Variants in PTGDR observed in about 807,000 individuals in gnomAD.
PTGDR encodes PGD2 receptor.
PTGDR carries 19 observed loss-of-function variants against 17.4 expected under a neutral mutation model. The observed-to-expected ratio is 1.09, with a 90% confidence interval of 0.76 to 1.60. PTGDR has a LOEUF of 1.60. Ranked by LOEUF, PTGDR falls within the 40% of genes most tolerant of loss-of-function variation. PTGDR has a pLI of 0.00. For missense variants in PTGDR, 526 were observed against 481.9 expected, an observed-to-expected ratio of 1.09 and a Z score of -0.86; for synonymous variants, 267 against 224.2, an observed-to-expected ratio of 1.19 and a Z score of -1.71.
downstream of PTGDR, among the ~76,000 whole-genome samples, chr14:52,280,198 A>G (rs1230347622): frequency 6.6e-6 from 1 of 152,194 alleles, no homozygotes; most frequent in Non-Finnish European, 1.5e-5. Context: ...GCCAGCATCA[A>G]TTTCTTATCA....
At position 52,274,879 on chromosome 14, in the gene PTGDR, G is replaced by A. The variant is rs41312506; in HGVS notation, c.995G>A (p.Arg332Gln). The change falls in exon 2 of 2, where the codon CGG (arginine) becomes CAG (glutamine). Residue 332 changes from arginine to glutamine, a missense_variant. By Grantham distance (43) the Arg-to-Gln change is conservative. Coordinates refer to ENST00000306051, the MANE Select transcript of PTGDR (RefSeq NM_000953.3). ...ATCATTTTCAGATCTCCAGTATTTC[G>A]GATATTTTTTCACAAGATTTTCATT... ...IFIIFRSPVF[R>Q]IFFHKIFIRP... 14,718 of 1,608,706 alleles carry A rather than the reference G, an allele frequency of 9.1e-3. 79 individuals are homozygous for A. The highest frequency in any genetic ancestry group is 0.011 in the Non-Finnish European group (12,787 of 1,175,304).
Position 52,268,478 on chromosome 14 carries a change from A to T in PTGDR, c.664A>T (p.Met222Leu), listed in dbSNP as rs748978128. 6.2e-7 allele frequency: 1 copy of T among 1,610,474 alleles called. No individual in the cohort carries two copies. Among genetic ancestry groups the T allele is most frequent in the South Asian group, 1.1e-5 (1 of 91,070 alleles). Reference sequence around the variant, plus strand: ...CACCGTGCTGTGCAACCTCGGCGCCATGCGCAACCTCTATGCGATGCACCG... The same window carrying T: ...CACCGTGCTGTGCAACCTCGGCGCCTTGCGCAACCTCTATGCGATGCACCG... The part of the protein sequence containing the change: ...LATVLCNLGA[M>L]RNLYAMHRRL... The change falls in exon 1 of 2, where the codon ATG (methionine) becomes TTG (leucine). Residue 222 changes from methionine (M) to leucine (L), a missense_variant. Physicochemically the swap from Met to Leu is conservative, Grantham distance 15. Coordinates refer to ENST00000306051, the MANE Select transcript of PTGDR (RefSeq NM_000953.3).
At chr14:52,270,343 C>T (rs1346288279) in intron 1 of PTGDR, among the ~76,000 whole-genome samples, 1 of 152,078 alleles carries the variant, frequency 6.6e-6, no homozygotes, top group East Asian at 1.9e-4. Flanking sequence ...GTCAAGAGAT[C>T]GAGACCATCC....
At position 52,268,012 on chromosome 14, in the gene PTGDR, T is replaced by C. The variant is rs1429296939; in HGVS notation, c.198T>C (p.Cys66=). 3.1e-6 allele frequency: 5 copies of C among 1,610,472 alleles called. No individual in the cohort carries two copies. The highest frequency in any genetic ancestry group is 4.2e-6 in the Non-Finnish European group (5 of 1,180,004). ...PLPSVFYMLV[C]GLTVTDLLGK... Reference sequence around the variant, plus strand: ...CCTCGGTCTTCTACATGCTGGTGTGTGGCCTGACGGTCACCGACTTGCTGG... The same window carrying C: ...CCTCGGTCTTCTACATGCTGGTGTGCGGCCTGACGGTCACCGACTTGCTGG... Residue 66 remains cysteine, a synonymous_variant, in exon 1 of 2, where the codon TGT becomes TGC. Transcript: ENST00000306051.
At chr14:52,269,362 C>A in intron 1 of PTGDR, 1 of 1,097,184 alleles carries the variant, frequency 9.1e-7, no homozygotes, top group South Asian at 1.3e-5. Flanking sequence ...TGTATCTTGG[C>A]AAGTGAGGTG....
downstream of PTGDR, among the ~76,000 whole-genome samples, chr14:52,280,123 T>C (rs1047258562): frequency 2.6e-5 from 4 of 152,210 alleles, no homozygotes; most frequent in Admixed American, 1.3e-4. Flanking sequence ...TCAGCGATAA[T>C]TGATGTTTAA....
intron 1 of PTGDR, chr14:52,269,611 C>A: frequency 1.6e-6 from 2 of 1,244,846 alleles, no homozygotes; most frequent in South Asian, 1.4e-5. Context: ...AATCCTGAGA[C>A]TTCTGTGAAT....
chr14:52,276,860 A>G (rs2033435644), downstream of PTGDR: 1 of 152,136 alleles, frequency 6.6e-6, no homozygotes, highest in African/African-American at 2.4e-5. Context: ...ATTAACACTT[A>G]CATTACTTTA....
At chr14:52,269,588 C>A in intron 1 of PTGDR, 1 of 1,408,694 alleles carries the variant, frequency 7.1e-7, no homozygotes, top group Non-Finnish European at 9.6e-7. Context: ...CATTGCCAAT[C>A]CCACGTTCTC....
chr14:52,268,186 G>A lies in PTGDR; in HGVS notation c.372G>A (p.Leu124=). ...GGCTCTCCTCGACACTGCAACTCCT[G>A]GCCATGGCACTGGAGTGCTGGCTCT... The part of the protein sequence containing the change: ...FFGLSSTLQL[L]AMALECWLSL... The change falls in exon 1 of 2, where the codon CTG becomes CTA. Residue 124 remains leucine (L), a synonymous_variant. Coordinates refer to ENST00000306051, the MANE Select transcript of PTGDR (RefSeq NM_000953.3). The A allele has an allele frequency of 6.2e-7, 1 of 1,614,138 alleles. No homozygotes were observed. The highest frequency in any genetic ancestry group is 8.5e-7 in the Non-Finnish European group (1 of 1,180,042).
intron 1 of PTGDR, among the ~76,000 whole-genome samples, chr14:52,273,476 C>A (rs1470449946): frequency 6.6e-6 from 1 of 152,136 alleles, no homozygotes; most frequent in Non-Finnish European, 1.5e-5. Flanking sequence ...ACAAACTTTT[C>A]ATCAAGATTA....
intron 1 of PTGDR, 59 bp downstream of exon 1, chr14:52,268,719 G>GCGGGAAGGGTGGAGCGGAT (rs1214099668): frequency 3.3e-6 from 5 of 1,499,350 alleles, no homozygotes; most frequent in Non-Finnish European, 4.5e-6. Context: ...CGGATGCGGG[G>GCGGGAAGGGTGGAGCGGAT]CGGGAAGGGT....
chr14:52,278,347 C>G (rs1453277622), downstream of PTGDR, among the ~76,000 whole-genome samples: 2 of 152,152 alleles, frequency 1.3e-5, no homozygotes, highest in Non-Finnish European at 2.9e-5. Flanking sequence ...AACCATCATT[C>G]TCAGCAAACT....
In PTGDR at chr14:52,267,841, G is replaced by T; in HGVS notation, c.27G>T (p.Gln9His). 6.3e-7 allele frequency: 1 copy of T among 1,580,704 alleles called. No individual in the cohort carries two copies. Among genetic ancestry groups the T allele is most frequent in the Non-Finnish European group, 8.6e-7 (1 of 1,162,140 alleles). The change falls in exon 1 of 2, where the codon CAG becomes CAT. Residue 9 changes from glutamine (Q) to histidine (H), a missense_variant. By Grantham distance (24) the Gln-to-His change is conservative. Transcript: ENST00000306051. MKSPFYRC[Q>H]NTTSVEKGNS... Reference sequence around the variant, plus strand: ...TGAAGTCGCCGTTCTACCGCTGCCAGAACACCACCTCTGTGGAAAAAGGCA... The same window carrying T: ...TGAAGTCGCCGTTCTACCGCTGCCATAACACCACCTCTGTGGAAAAAGGCA...
rs780759306 is a variant in PTGDR, at chr14:52,268,072, C to G, written c.258C>G (p.Ala86=). 6.8e-6 allele frequency: 11 copies of G among 1,613,322 alleles called. No homozygotes were observed. The highest frequency in any genetic ancestry group is 9.3e-6 in the Non-Finnish European group (11 of 1,180,050). The part of the protein sequence containing the change: ...KCLLSPVVLA[A]YAQNRSLRVL... ...TCCTAAGCCCGGTGGTGCTGGCTGC[C>G]TACGCTCAGAACCGGAGTCTGCGGG... The change falls in exon 1 of 2, where the codon GCC becomes GCG. Residue 86 remains alanine (A), a synonymous_variant. Transcript: ENST00000306051.
downstream of PTGDR, among the ~76,000 whole-genome samples, chr14:52,279,502 T>C (rs1384967050): frequency 6.6e-6 from 1 of 152,182 alleles, no homozygotes; most frequent in Non-Finnish European, 1.5e-5. Flanking sequence ...TTTAATTATT[T>C]TCTTCAGTGA....
In PTGDR at chr14:52,276,001, T is replaced by C. The variant is rs2033417791; in HGVS notation, c.*1037T>C. The C allele has an allele frequency of 6.6e-6, 1 of 152,652 alleles. No individual in the cohort carries two copies. Among genetic ancestry groups the C allele is most frequent in the Non-Finnish European group, 1.5e-5 (1 of 68,042 alleles). 9.5% of individuals were successfully genotyped at this position (152,652 alleles called of 1,614,324 possible). ...CGTATTCTGCTGTCCGTGGAGACGG[T>C]AAGATCTTAGGTTCCAAGATTTTAC... On this transcript the variant is annotated 3_prime_UTR_variant, in exon 2 of 2. Coordinates refer to ENST00000306051, the MANE Select transcript of PTGDR (RefSeq NM_000953.3).
chr14:52,280,683 G>T (rs1438214662), downstream of PTGDR, among the ~76,000 whole-genome samples: 5 of 152,158 alleles, frequency 3.3e-5, no homozygotes, highest in Non-Finnish European at 1.5e-5. Context: ...TGTTTCCTCT[G>T]CTCTATCGTC....
chr14:52,268,042 G>C lies in PTGDR; in HGVS notation c.228G>C (p.Lys76Asn). The change falls in exon 1 of 2, where the codon AAG becomes AAC. Residue 76 changes from lysine to asparagine, a missense_variant. Transcript: ENST00000306051. ...CGLTVTDLLG[K>N]CLLSPVVLAA... ...TGACGGTCACCGACTTGCTGGGCAA[G>C]TGCCTCCTAAGCCCGGTGGTGCTGG... 6.2e-7 allele frequency: 1 copy of C among 1,612,004 alleles called. No homozygotes were observed. The highest frequency in any genetic ancestry group is 8.5e-7 in the Non-Finnish European group (1 of 1,180,038).
Sources: gnomAD v4.1 joint callset for allele counts (sites outside exome capture counted in the v4.1 genomes callset) on GRCh38, gnomAD v4.1.1 for gene constraint, MANE v1.5 for transcripts, NCBI Gene and HGNC (gene_info 2026-07-23, HGNC 2026-07-21) for gene names.